FHIT: variants seen among roughly 807,000 people sequenced by gnomAD.
FHIT encodes bis(5'-adenosyl)-triphosphatase.
A neutral mutation model predicts 17.9 loss-of-function variants in FHIT; 19 were observed. The observed-to-expected ratio is 1.06, with a 90% CI of 0.74 to 1.56. The LOEUF is 1.56. Among genes scored for constraint, FHIT ranks in the 40% most tolerant of loss-of-function variants. The pLI is 0.00. For synonymous variants in FHIT, 81 were observed against 69.7 expected, an observed-to-expected ratio of 1.16 and a Z score of -0.81; for missense variants, 248 against 189.2, an observed-to-expected ratio of 1.31 and a Z score of -1.82.
intron 8 of FHIT, among the ~76,000 whole-genome samples, chr3:59,752,784 C>T (rs1480225315): frequency 1.3e-5 from 2 of 152,144 alleles, no homozygotes; most frequent in East Asian, 3.9e-4. Context: ...CCTGCTTTCC[C>T]TTCCGCCATG....
chr3:60,097,838 A>G (rs1704022966), intron 5 of FHIT, among the ~76,000 whole-genome samples: 1 of 146,266 alleles, frequency 6.8e-6, no homozygotes, highest in Admixed American at 6.8e-5. Flanking sequence ...AGCATTAGGT[A>G]TATCTCCTAA....
chr3:60,199,289 C>T (rs933089790), intron 5 of FHIT, among the ~76,000 whole-genome samples: 3 of 152,140 alleles, frequency 2.0e-5, no homozygotes, highest in African/African-American at 7.2e-5. Context: ...ATGAAACTGT[C>T]ATACTATATG....
intron 8 of FHIT, among the ~76,000 whole-genome samples, chr3:59,911,091 T>A (rs989756348): frequency 1.3e-5 from 2 of 152,232 alleles, no homozygotes; most frequent in Non-Finnish European, 2.9e-5. Flanking sequence ...ACTAATTTGC[T>A]TTATTATTCT....
intron 7 of FHIT, among the ~76,000 whole-genome samples, chr3:59,944,588 G>A (rs924162225): frequency 1.3e-5 from 2 of 151,794 alleles, no homozygotes; most frequent in Admixed American, 6.6e-5. Context: ...GAAATTGTAA[G>A]TCACAGGGGT....
intron 8 of FHIT, among the ~76,000 whole-genome samples, chr3:59,858,710 A>T (rs1227990117): frequency 6.6e-6 from 1 of 152,014 alleles, no homozygotes; most frequent in African/African-American, 2.4e-5. Context: ...AGAGCAGAGG[A>T]TGAGATGTAC....
At chr3:59,891,775 T>C (rs1379564433) in intron 8 of FHIT, among the ~76,000 whole-genome samples, 1 of 152,162 alleles carries the variant, frequency 6.6e-6, no homozygotes, top group Non-Finnish European at 1.5e-5. Context: ...GGATGTCTTG[T>C]AAGTAAAATC....
chr3:61,157,696 G>C (rs926740791), intron 2 of FHIT, among the ~76,000 whole-genome samples: 1 of 152,094 alleles, frequency 6.6e-6, no homozygotes, highest in African/African-American at 2.4e-5. Flanking sequence ...TCTGAGTATT[G>C]TTTATGTTCT....
chr3:61,213,892 G>C (rs1331865633), intron 1 of FHIT, among the ~76,000 whole-genome samples: 1 of 152,120 alleles, frequency 6.6e-6, no homozygotes, highest in East Asian at 1.9e-4. Context: ...TGAACAACCT[G>C]CTCCTGAATG....
chr3:59,926,833 T>C (rs62238343), intron 7 of FHIT, among the ~76,000 whole-genome samples: 22,205 of 152,146 alleles, frequency 0.15, 2,051 homozygotes, highest in Middle Eastern at 0.26. Context: ...ATAACAAGCG[T>C]TGGCCAGAGT....
chr3:60,748,830 T>G (rs1335062135), intron 4 of FHIT, among the ~76,000 whole-genome samples: 1 of 152,004 alleles, frequency 6.6e-6, no homozygotes, highest in Non-Finnish European at 1.5e-5. Flanking sequence ...ACAACAAAAA[T>G]CATATCTAGA....
At chr3:60,020,082 G>A (rs1440567566) in intron 5 of FHIT, among the ~76,000 whole-genome samples, 1 of 152,142 alleles carries the variant, frequency 6.6e-6, no homozygotes, top group Non-Finnish European at 1.5e-5. Context: ...ACTGCCTCAT[G>A]AAACACAGAA....
intron 8 of FHIT, among the ~76,000 whole-genome samples, chr3:59,888,966 G>A (rs114310550): frequency 0.015 from 2,250 of 152,300 alleles, 68 homozygotes; most frequent in African/African-American, 0.051. Context: ...GGCTGAGCTA[G>A]TGTTTACAAG....
intron 5 of FHIT, among the ~76,000 whole-genome samples, chr3:60,296,472 A>G (rs1244670506): frequency 6.6e-6 from 1 of 152,016 alleles, no homozygotes; most frequent in East Asian, 1.9e-4. Context: ...ATGGCTGTCC[A>G]TGTCTTTTGC....
chr3:59,921,598 C>G lies in FHIT; in HGVS notation c.348+748G>C, dbSNP rs79060737. Among the ~76,000 whole-genome samples, 30 of 152,334 alleles carry G rather than the reference C, an allele frequency of 2.0e-4. No homozygotes were observed. In the East Asian group the frequency reaches 4.2e-3, roughly 22 times the overall value. On this transcript the variant is annotated intron_variant, in intron 8 of 9. Transcript: ENST00000492590. The stretch of plus-strand genomic sequence containing the variant: ...GGGCACTAGTGCTATCTAATCTGCT[C>G]TACCGTGTGGGGGACATACTTTCTC...
At chr3:60,259,479 T>A (rs375045383) in intron 5 of FHIT, among the ~76,000 whole-genome samples, 3 of 152,190 alleles carry the variant, frequency 2.0e-5, no homozygotes, top group South Asian at 2.1e-4. Flanking sequence ...ATCAAAACAT[T>A]CTGAGGACAG....
At chr3:61,125,489 C>A (rs1362963120) in intron 2 of FHIT, among the ~76,000 whole-genome samples, 3 of 152,088 alleles carry the variant, frequency 2.0e-5, no homozygotes, top group African/African-American at 7.2e-5. Context: ...CATAAATAAC[C>A]TGATGGATGA....
In FHIT at chr3:60,442,039, T is replaced by C. The variant is rs117267338; in HGVS notation, c.103+94821A>G. On this transcript the variant is annotated intron_variant, in intron 5 of 9. Transcript: ENST00000492590. ...ATGCCTGACTAATTTTTTTAACTTATTGTAGAAATGGGATCTCACTGTGTT... is the reference window on the plus strand; with the variant it reads ...ATGCCTGACTAATTTTTTTAACTTACTGTAGAAATGGGATCTCACTGTGTT... 3.2e-4 allele frequency among the ~76,000 whole-genome samples: 49 copies of C among 151,038 alleles called. No homozygotes were observed. The East Asian group carries it at 8.6e-3, about 26-fold the overall frequency.
chr3:60,037,647 G>A (rs1701274665), intron 5 of FHIT, among the ~76,000 whole-genome samples: 1 of 151,938 alleles, frequency 6.6e-6, no homozygotes, highest in Non-Finnish European at 1.5e-5. Flanking sequence ...CTCTCAAAGT[G>A]CTGGGATTAC....
At chr3:59,802,805 A>G (rs2106989279) in intron 8 of FHIT, among the ~76,000 whole-genome samples, 1 of 152,324 alleles carries the variant, frequency 6.6e-6, no homozygotes, top group East Asian at 1.9e-4. Flanking sequence ...TCACTTCACT[A>G]CTGCTATAAT....
Sources: gnomAD v4.1 joint callset for allele counts (sites outside exome capture counted in the v4.1 genomes callset) on GRCh38, gnomAD v4.1.1 for gene constraint, MANE v1.5 for transcripts, NCBI Gene and HGNC (gene_info 2026-07-23, HGNC 2026-07-21) for gene names.